Variants in PRDM16 observed in about 807,000 individuals in gnomAD.
PRDM16 encodes histone-lysine N-methyltransferase PRDM16.
A neutral mutation model predicts 110.6 loss-of-function variants in PRDM16; 23 were observed. The ratio of observed to expected loss-of-function variants is 0.21; its 90% CI spans 0.15 to 0.29. The LOEUF is 0.29. Among genes scored for constraint, PRDM16 ranks in the 10% least tolerant of loss-of-function variants. The pLI, the probability that PRDM16 is intolerant of heterozygous loss-of-function variation, is 1.00. For missense variants in PRDM16, 1,615 were observed against 1,794.3 expected, an observed-to-expected ratio of 0.90 and a Z score of 1.81; for synonymous variants, 799 against 781.8, an observed-to-expected ratio of 1.02 and a Z score of -0.37.
chr1:3,394,347 C>T, intron 4 of PRDM16: 2 of 350,362 alleles, frequency 5.7e-6, no homozygotes, highest in South Asian at 1.8e-5. Context: ...GGGGGCCAGG[C>T]GGAGGATCCA....
chr1:3,172,221 C>G (rs923624446), intron 1 of PRDM16, among the ~76,000 whole-genome samples: 5 of 152,150 alleles, frequency 3.3e-5, no homozygotes, highest in African/African-American at 9.7e-5. Context: ...GGATTCGTGC[C>G]TGTTTTACAG....
intron 3 of PRDM16, among the ~76,000 whole-genome samples, chr1:3,314,567 T>TTC (rs143276828): frequency 2.0e-5 from 3 of 151,434 alleles, no homozygotes; most frequent in Non-Finnish European, 4.4e-5. Flanking sequence ...TGTGTGAGCG[T>TTC]TCTCTCTCTC....
intron 3 of PRDM16, among the ~76,000 whole-genome samples, chr1:3,340,942 G>A (rs980655449): frequency 2.6e-5 from 4 of 152,172 alleles, no homozygotes; most frequent in African/African-American, 7.2e-5. Context: ...TGGAGGAAGG[G>A]GAGCATGGCC....
At position 3,434,303 on chromosome 1, in the gene PRDM16, T is replaced by C. The variant is rs1318857879; in HGVS notation, c.*492T>C. On this transcript the variant is annotated 3_prime_UTR_variant, in exon 17 of 17. Transcript: ENST00000270722. Reference sequence around the variant, plus strand: ...CTATTTAAGCATGTGGTTTTAAAAATAGACAGTATTTTTTAAAAATCAAAA... The same window carrying C: ...CTATTTAAGCATGTGGTTTTAAAAACAGACAGTATTTTTTAAAAATCAAAA... 4.3e-6 allele frequency: 1 copy of C among 233,060 alleles called. No homozygotes were observed. The highest frequency in any genetic ancestry group is 8.5e-6 in the Non-Finnish European group (1 of 118,018). 14.4% of individuals were successfully genotyped at this position (233,060 alleles called of 1,614,324 possible). A position where few individuals can be genotyped will look rare whatever the true frequency, so the allele number is the denominator to read the frequency against.
chr1:3,097,619 C>G (rs987771266), intron 1 of PRDM16, among the ~76,000 whole-genome samples: 2 of 152,238 alleles, frequency 1.3e-5, no homozygotes, highest in African/African-American at 4.8e-5. Context: ...CCTGCCCTCT[C>G]ATCTCCAGCC....
chr1:3,291,263 G>A (rs1233733607), intron 3 of PRDM16, among the ~76,000 whole-genome samples: 1 of 152,158 alleles, frequency 6.6e-6, no homozygotes, highest in Non-Finnish European at 1.5e-5. Flanking sequence ...GCGTTCCCAG[G>A]AACAGGGAAC....
chr1:3,153,220 C>T (rs1643807321), intron 1 of PRDM16, among the ~76,000 whole-genome samples: 1 of 152,234 alleles, frequency 6.6e-6, no homozygotes, highest in South Asian at 2.1e-4. Flanking sequence ...TCCGTGTCCT[C>T]AGGCAATAGC....
At chr1:3,408,006 T>C (rs796095395) in intron 8 of PRDM16, among the ~76,000 whole-genome samples, 3 of 152,240 alleles carry the variant, frequency 2.0e-5, no homozygotes, top group African/African-American at 7.2e-5. Flanking sequence ...GCAGCCCTGG[T>C]ATCCCCCAGG....
At chr1:3,303,573 G>A (rs766641897) in intron 3 of PRDM16, among the ~76,000 whole-genome samples, 10 of 152,194 alleles carry the variant, frequency 6.6e-5, no homozygotes, top group East Asian at 1.9e-4. Context: ...ACTCTTGGCC[G>A]TATTCTTAGG....
intron 2 of PRDM16, among the ~76,000 whole-genome samples, chr1:3,222,501 T>A (rs1474416469): frequency 2.6e-5 from 4 of 152,340 alleles, no homozygotes; most frequent in African/African-American, 9.6e-5. Context: ...CTTCGGCCTG[T>A]GGTCGGCTTC....
Position 3,359,194 on chromosome 1 carries a change from C to T in PRDM16, c.439-25958C>T, listed in dbSNP as rs1009332293. 1.3e-5 allele frequency among the ~76,000 whole-genome samples: 2 copies of T among 152,122 alleles called. No homozygotes were observed. The highest frequency in any genetic ancestry group is 6.5e-5 in the Admixed American group (1 of 15,272). On this transcript the variant is annotated intron_variant, in intron 3 of 16. Transcript: ENST00000270722. The surrounding 1 kb of genome is among the most constrained non-coding windows in gnomAD (Gnocchi z 4.3). ...AGCTGGGACTACAGGCAGGTGCCAC[C>T]GTGCCTAGTTAATATGTCCATTTTG...
At chr1:3,078,268 G>GAT (rs1309696225) in intron 1 of PRDM16, among the ~76,000 whole-genome samples, 2 of 152,156 alleles carry the variant, frequency 1.3e-5, no homozygotes, top group Non-Finnish European at 2.9e-5. Flanking sequence ...TGCATGCTAG[G>GAT]GGCCCACCTG....
intron 2 of PRDM16, among the ~76,000 whole-genome samples, chr1:3,241,864 G>A (rs1376267894): frequency 6.6e-6 from 1 of 152,202 alleles, no homozygotes; most frequent in Admixed American, 6.5e-5. Context: ...CACCTGAGAG[G>A]CTATGCATCT....
In PRDM16 at chr1:3,244,218, C is replaced by G. The variant is rs1639737207; in HGVS notation, c.438+81C>G. On this transcript the variant is annotated intron_variant, in intron 3 of 16. Coordinates refer to ENST00000270722, the MANE Select transcript of PRDM16 (RefSeq NM_022114.4). This position sits in a 1 kb window ranked among gnomAD's most constrained non-coding sequence, Gnocchi z 4.1. ...CGGGGCGACCGCCATCCCAGCTGTCCCTGAGCTAACAAGCGTGTAGTCGGA... is the reference window on the plus strand; with the variant it reads ...CGGGGCGACCGCCATCCCAGCTGTCGCTGAGCTAACAAGCGTGTAGTCGGA... 1.5e-6 allele frequency: 2 copies of G among 1,297,354 alleles called. No individual in the cohort carries two copies. Among genetic ancestry groups the G allele is most frequent in the Admixed American group, 1.7e-5 (1 of 58,540 alleles). The allele number at this position is 1,297,354 out of a possible 1,614,324, so 80.4% of individuals were successfully genotyped here.
At chr1:3,078,122 G>T (rs1192147898) in intron 1 of PRDM16, among the ~76,000 whole-genome samples, 1 of 152,168 alleles carries the variant, frequency 6.6e-6, no homozygotes, top group African/African-American at 2.4e-5. Context: ...CTTGCAGGGG[G>T]CTGGGGGCTT....
intron 3 of PRDM16, among the ~76,000 whole-genome samples, chr1:3,283,156 G>T (rs1269950314): frequency 1.3e-5 from 2 of 152,162 alleles, no homozygotes; most frequent in Admixed American, 1.3e-4. Flanking sequence ...TCATGGGTGG[G>T]AACTGGCCAG....
intron 1 of PRDM16, among the ~76,000 whole-genome samples, chr1:3,106,797 G>A (rs1642668028): frequency 6.6e-6 from 1 of 152,202 alleles, no homozygotes; most frequent in African/African-American, 2.4e-5. Flanking sequence ...TTGCTGGGCT[G>A]GCATTGGAAG....
chr1:3,106,090 G>A (rs372188018), intron 1 of PRDM16, among the ~76,000 whole-genome samples: 1 of 152,122 alleles, frequency 6.6e-6, no homozygotes, highest in Non-Finnish European at 1.5e-5. Flanking sequence ...TCTCACCCTC[G>A]GCCTCAAAGG....
At chr1:3,375,285 C>T (rs990878938) in intron 3 of PRDM16, among the ~76,000 whole-genome samples, 6 of 152,244 alleles carry the variant, frequency 3.9e-5, no homozygotes, top group Non-Finnish European at 8.8e-5. Context: ...GTCCACCCAC[C>T]GGCTGCCGAG....
Sources: allele counts gnomAD v4.1 joint callset (sites outside exome capture counted in the v4.1 genomes callset), GRCh38; gene constraint gnomAD v4.1.1; non-coding constraint Gnocchi (gnomAD v3.1); transcripts MANE v1.5; gene names NCBI Gene and HGNC (gene_info 2026-07-23, HGNC 2026-07-21).